The following ZFP64 variants were observed in gnomAD, a reference collection of about 807,000 sequenced individuals.
The protein encoded by ZFP64 is zinc finger protein 64.
In ZFP64, 14 loss-of-function variants were observed where a neutral mutation model predicts 51.6. The observed-to-expected ratio is 0.27, with a 90% CI of 0.18 to 0.42. The LOEUF (loss-of-function observed/expected upper bound fraction) is 0.42. ZFP64 is among the 10% of genes least tolerant of loss of function. ZFP64 has a pLI of 1.00. For synonymous variants in ZFP64, 375 were observed against 361.4 expected, an observed-to-expected ratio of 1.04 and a Z score of -0.43; for missense variants, 754 against 906.8, an observed-to-expected ratio of 0.83 and a Z score of 2.16.
chr20:52,183,328 G>C (rs1983742019), intron 2 of ZFP64, among the ~76,000 whole-genome samples: 1 of 152,320 alleles, frequency 6.6e-6, no homozygotes, highest in Non-Finnish European at 1.5e-5. Context: ...CAAGTAAAAA[G>C]TGTGGGCCTG....
intron 7 of ZFP64, among the ~76,000 whole-genome samples, chr20:52,093,887 A>T (rs1053585850): frequency 2.0e-4 from 30 of 152,194 alleles, no homozygotes; most frequent in African/African-American, 7.2e-4. Flanking sequence ...TGGTCTTTGT[A>T]CCAGTTTGGG....
At chr20:52,190,573 C>A (rs1354796734) in intron 1 of ZFP64, among the ~76,000 whole-genome samples, 2 of 152,134 alleles carry the variant, frequency 1.3e-5, no homozygotes, top group Non-Finnish European at 2.9e-5. Flanking sequence ...AGCATGTTAC[C>A]TGCTGGGTTC....
intron 2 of ZFP64, among the ~76,000 whole-genome samples, chr20:52,172,188 TGTGTGTGTGTGTGTTG>T (rs1256201458): frequency 4.7e-5 from 7 of 150,264 alleles, no homozygotes; most frequent in Non-Finnish European, 1.0e-4. Flanking sequence ...TTGCCAGGGG[TGTGTGTGTGTGTGTTG>T]GTGTGTGTGT....
exon 6 of ZFP64, chr20:52,098,454 G>A (rs771404073): frequency 6.8e-6 from 11 of 1,614,012 alleles, no homozygotes; most frequent in South Asian, 6.6e-5. Flanking sequence ...AGCAACAGTT[G>A]AACGTCCTCT....
intron 7 of ZFP64, among the ~76,000 whole-genome samples, chr20:52,094,782 T>C (rs1600693629): frequency 6.6e-6 from 1 of 152,014 alleles, no homozygotes; most frequent in South Asian, 2.1e-4. Flanking sequence ...GAAAATGCAA[T>C]ACATTTGAAA....
At chr20:52,135,017 T>G (rs1014390458) in intron 5 of ZFP64, among the ~76,000 whole-genome samples, 3 of 151,892 alleles carry the variant, frequency 2.0e-5, no homozygotes, top group African/African-American at 7.3e-5. Context: ...TGCACGCCAC[T>G]GCACCTGGCT....
At chr20:52,111,008 C>A in intron 5 of ZFP64, 1 of 1,472,950 alleles carries the variant, frequency 6.8e-7, no homozygotes, top group Non-Finnish European at 9.5e-7. Flanking sequence ...GTGACCGTAT[C>A]CAGGGGAAGG....
At chr20:52,120,240 G>T (rs190223801) in intron 5 of ZFP64, among the ~76,000 whole-genome samples, 2 of 152,248 alleles carry the variant, frequency 1.3e-5, no homozygotes, top group Admixed American at 1.3e-4. Flanking sequence ...AATTTTTGTT[G>T]TGTGTAAGCT....
intron 5 of ZFP64, chr20:52,104,575 C>T (rs1384033960): frequency 7.6e-6 from 3 of 396,224 alleles, no homozygotes; most frequent in Non-Finnish European, 1.5e-5. Context: ...CCGGTGACCT[C>T]TCGGGCTACA....
At chr20:52,190,409 C>T (rs1449969359) in intron 1 of ZFP64, among the ~76,000 whole-genome samples, 1 of 150,756 alleles carries the variant, frequency 6.6e-6, no homozygotes, top group Admixed American at 6.6e-5. Flanking sequence ...TGACTTTAAG[C>T]GTGGGTTTTC....
At chr20:52,116,757 T>C (rs1437786248) in intron 5 of ZFP64, among the ~76,000 whole-genome samples, 1 of 152,172 alleles carries the variant, frequency 6.6e-6, no homozygotes, top group Non-Finnish European at 1.5e-5. Context: ...ATAATTTGTA[T>C]AACATCATCT....
At position 52,088,696 on chromosome 20, in the gene ZFP64, A is replaced by G. The variant is rs2078890059; in HGVS notation, c.977-53T>C. 1.9e-5 allele frequency: 30 copies of G among 1,610,278 alleles called. No individual in the cohort carries two copies. In the South Asian group the frequency reaches 3.1e-4, roughly 17 times the overall value. ...AAGGTTTTTTGGTCAAGATGGCTAC[A>G]AAGATTTGACCAAGATGATAGCCTG... is the stretch of plus-strand genomic sequence containing the variant. On this transcript the variant is annotated intron_variant, in intron 7 of 8. Transcript: ENST00000361387.
At chr20:52,088,695 C>T (rs2078890032) in intron 7 of ZFP64, 2 of 1,610,310 alleles carry the variant, frequency 1.2e-6, no homozygotes, top group South Asian at 2.2e-5. Flanking sequence ...AAGATGGCTA[C>T]AAAGATTTGA....
At chr20:52,144,495 G>A (rs1297512894) in intron 5 of ZFP64, among the ~76,000 whole-genome samples, 5 of 142,862 alleles carry the variant, frequency 3.5e-5, no homozygotes, top group South Asian at 2.2e-4. Flanking sequence ...CAGGAGAATC[G>A]CTTGAATTCG....
At chr20:52,188,104 G>C (rs1260875750) in intron 1 of ZFP64, among the ~76,000 whole-genome samples, 1 of 152,076 alleles carries the variant, frequency 6.6e-6, no homozygotes, top group Non-Finnish European at 1.5e-5. Flanking sequence ...ATGCAAATGT[G>C]ATGGTGGGGC....
intron 5 of ZFP64, among the ~76,000 whole-genome samples, chr20:52,102,131 C>CAG (rs141359850): frequency 0.012 from 1,312 of 108,276 alleles, 25 homozygotes; most frequent in African/African-American, 0.044. Flanking sequence ...AAAAAGGCAG[C>CAG]AGTCTCAGGC....
chr20:52,108,762 G>A (rs924560651), intron 5 of ZFP64, among the ~76,000 whole-genome samples: 1 of 151,762 alleles, frequency 6.6e-6, no homozygotes, highest in African/African-American at 2.4e-5. Context: ...ACCTGCCTCA[G>A]CCTTCCAAAG....
At position 52,127,438 on chromosome 20, in the gene ZFP64, G is replaced by A. The variant is rs149456224; in HGVS notation, c.764-28851C>T. Among the ~76,000 whole-genome samples, 363 of 152,212 alleles carry A rather than the reference G, an allele frequency of 2.4e-3. 2 individuals are homozygous for A. Among genetic ancestry groups the A allele is most frequent in the African/African-American group, 8.3e-3 (346 of 41,544 alleles). Reference sequence around the variant, plus strand: ...GTAAAGGTAATTGGATCATGGGGGCGGCTGCTGTTCTCATGATAGTGAGTT... The same window carrying A: ...GTAAAGGTAATTGGATCATGGGGGCAGCTGCTGTTCTCATGATAGTGAGTT... On this transcript the variant is annotated intron_variant, in intron 5 of 8. Coordinates refer to the ZFP64 transcript ENST00000361387.
intron 5 of ZFP64, among the ~76,000 whole-genome samples, chr20:52,099,461 A>T (rs980607785): frequency 6.6e-6 from 1 of 152,222 alleles, no homozygotes; most frequent in African/African-American, 2.4e-5. Flanking sequence ...GAAAGATGGA[A>T]GAGGAGAAAA....
Sources: gnomAD v4.1 joint callset for allele counts (sites outside exome capture counted in the v4.1 genomes callset) on GRCh38, gnomAD v4.1.1 for gene constraint, MANE v1.5 for transcripts, NCBI Gene and HGNC (gene_info 2026-07-23, HGNC 2026-07-21) for gene names.